The following YARS1 variants were observed in gnomAD, a reference collection of about 807,000 sequenced individuals.
YARS1 encodes the protein tyrosine--tRNA ligase, cytoplasmic.
A neutral mutation model predicts 62.2 loss-of-function variants in YARS1; 36 were observed. The observed-to-expected ratio is 0.58, with a 90% CI of 0.44 to 0.76. The LOEUF (loss-of-function observed/expected upper bound fraction) is 0.76. Ranked by LOEUF, YARS1 falls within the 30% of genes least tolerant of loss-of-function variation. YARS1 has a pLI of 0.00. For synonymous variants in YARS1, 234 were observed against 244.9 expected (o/e 0.96, Z 0.42); for missense variants, 524 against 639.8 (o/e 0.82, Z 1.95).
chr1:32,775,803 GGA>G lies in YARS1; in HGVS notation c.*176_*177del, dbSNP rs1652836666. On this transcript the variant is annotated 3_prime_UTR_variant, in exon 13 of 13. Transcript: ENST00000373477. ...GTTGGTCTCTCACTGCAGCCAGACA[GGA>G]TGATCCTGGGTTCTGGGGAGGGTAA... 3 of 645,210 alleles carry G rather than the reference GGA, an allele frequency of 4.6e-6. No homozygotes were observed. 40.0% of individuals were successfully genotyped at this position (645,210 alleles called of 1,614,324 possible).
chr1:32,803,176 T>C (rs561542417), intron 4 of YARS1, among the ~76,000 whole-genome samples: 1 of 151,538 alleles, frequency 6.6e-6, no homozygotes, highest in South Asian at 2.1e-4. Context: ...AGACGGGGTT[T>C]TACTATGATG....
Position 32,775,877 on chromosome 1 carries a change from T to C in YARS1, c.*104A>G, listed in dbSNP as rs1652839531. On this transcript the variant is annotated 3_prime_UTR_variant, in exon 13 of 13. Transcript: ENST00000373477. Reference sequence around the variant, plus strand: ...CACCGAATAAAGAGTCCAAACCCGCTGCTTCCGTGTCCTGAGAGATGGGTA... The same window carrying C: ...CACCGAATAAAGAGTCCAAACCCGCCGCTTCCGTGTCCTGAGAGATGGGTA... 1.5e-5 allele frequency: 16 copies of C among 1,099,906 alleles called. No homozygotes were observed. The South Asian group carries it at 2.1e-4, about 14-fold the overall frequency. The allele number at this position is 1,099,906 out of a possible 1,614,324, so 68.1% of individuals were successfully genotyped here.
Position 32,782,519 on chromosome 1 carries a change from C to T in YARS1, c.927G>A (p.Leu309=), listed in dbSNP as rs1653094196. 1 of 1,614,118 alleles carries T rather than the reference C, an allele frequency of 6.2e-7. No individual in the cohort carries two copies. The highest frequency in any genetic ancestry group is 2.2e-5 in the East Asian group (1 of 44,874). ...TCAGTGCGACTTCAACAGAATTCTT[C>T]AGGTCTCCAGGATGTACAACCTGCA... ...FAAEVVHPGD[L]KNSVEVALNK... The change falls in exon 9 of 13, where the codon CTG becomes CTA. Residue 309 remains leucine, a synonymous_variant. Transcript: ENST00000373477.
Position 32,810,785 on chromosome 1 carries a change from G to T in YARS1, c.205-19C>A, listed in dbSNP as rs768703124. ...TTGTTACCTGGACAAGAGATAAGGG[G>T]CCACCAAAATGTGAATTTGTCCAAT... On this transcript the variant is annotated intron_variant, in intron 2 of 12. Coordinates refer to ENST00000373477, the MANE Select transcript of YARS1 (RefSeq NM_003680.4). The T allele has an allele frequency of 2.5e-6, 4 of 1,613,994 alleles. No homozygotes were observed. In the Admixed American group the frequency reaches 5.0e-5, roughly 20 times the overall value.
intron 5 of YARS1, among the ~76,000 whole-genome samples, chr1:32,796,948 A>C (rs1244101518): frequency 1.7e-5 from 2 of 118,524 alleles, no homozygotes; most frequent in Non-Finnish European, 3.4e-5. Context: ...CTGGGTGACA[A>C]TAGCGAAACT....
In YARS1 at chr1:32,776,336, G is replaced by A. The variant is rs540377033; in HGVS notation, c.1477-245C>T. Among the ~76,000 whole-genome samples, 7 of 151,996 alleles carry A rather than the reference G, an allele frequency of 4.6e-5. No homozygotes were observed. The highest frequency in any genetic ancestry group is 1.0e-4 in the Non-Finnish European group (7 of 68,016). On this transcript the variant is annotated intron_variant, in intron 12 of 12. Transcript: ENST00000373477. The surrounding 1 kb of genome is among the most constrained non-coding windows in gnomAD (Gnocchi z 4.0). ...CTAATTTTGTACTTTTAGTAGACAC[G>A]GGGTTTCTCCATGTTGGTCAGGCTG...
chr1:32,792,734 G>C (rs1028437013), intron 5 of YARS1, among the ~76,000 whole-genome samples: 2 of 151,960 alleles, frequency 1.3e-5, no homozygotes, highest in African/African-American at 4.8e-5. Flanking sequence ...TAAAAAATTA[G>C]CTGGGCGTGG....
chr1:32,816,971 TGGACGCAAGA>T, intron 1 of YARS1: 1 of 626,572 alleles, frequency 1.6e-6, no homozygotes, highest in Non-Finnish European at 2.8e-6. Context: ...ACAAGACAAC[TGGACGCAAGA>T]GGTGAGCCCA....
At chr1:32,809,312 G>A (rs1454387389) in intron 3 of YARS1, among the ~76,000 whole-genome samples, 2 of 152,070 alleles carry the variant, frequency 1.3e-5, no homozygotes, top group East Asian at 1.9e-4. Flanking sequence ...GGTCTCAAAC[G>A]CCTGGCCTCA....
chr1:32,790,060 T>C (rs1348275106), intron 6 of YARS1, among the ~76,000 whole-genome samples: 1 of 146,438 alleles, frequency 6.8e-6, no homozygotes, highest in Non-Finnish European at 1.5e-5. Flanking sequence ...ATTTTTGTAC[T>C]TTTAGTAGAG....
At chr1:32,813,390 C>T (rs1244004688) in intron 1 of YARS1, among the ~76,000 whole-genome samples, 1 of 152,246 alleles carries the variant, frequency 6.6e-6, no homozygotes, top group African/African-American at 2.4e-5. Flanking sequence ...GTGATCTCCG[C>T]TTACTGCAAC....
chr1:32,782,232 A>G (rs1557447084), intron 9 of YARS1, 172 bp downstream of exon 9: 1 of 1,115,160 alleles, frequency 9.0e-7, no homozygotes, highest in African/African-American at 1.5e-5. Flanking sequence ...GATGTTAACC[A>G]AACCCAAATC....
intron 1 of YARS1, among the ~76,000 whole-genome samples, chr1:32,816,604 T>G (rs545138274): frequency 6.6e-6 from 1 of 152,314 alleles, no homozygotes; most frequent in African/African-American, 2.4e-5. Flanking sequence ...TTCTGTTTCC[T>G]CCATCTGAAA....
At chr1:32,806,891 CTG>C (rs1269549142) in intron 3 of YARS1, among the ~76,000 whole-genome samples, 1 of 152,174 alleles carries the variant, frequency 6.6e-6, no homozygotes, top group East Asian at 1.9e-4. Context: ...ACAAAATTGT[CTG>C]TACACCAAAC....
At chr1:32,802,342 C>G (rs533462275) in intron 4 of YARS1, among the ~76,000 whole-genome samples, 2 of 152,232 alleles carry the variant, frequency 1.3e-5, no homozygotes, top group African/African-American at 4.8e-5. Context: ...TCCACTTCTT[C>G]CAAACTTCTG....
chr1:32,813,463 C>T (rs771719495), intron 1 of YARS1, among the ~76,000 whole-genome samples: 7 of 151,952 alleles, frequency 4.6e-5, no homozygotes, highest in African/African-American at 7.3e-5. Flanking sequence ...AGATTACAGG[C>T]GTCCAACACC....
In YARS1 at chr1:32,810,572, T is replaced by C. The variant is rs961597385; in HGVS notation, c.380+19A>G. ...AGAAGCACCAGAGCCACAAGGAGGGTGGATGATCAAGCACTTACTTGCTGA... is the reference window on the plus strand; with the variant it reads ...AGAAGCACCAGAGCCACAAGGAGGGCGGATGATCAAGCACTTACTTGCTGA... On this transcript the variant is annotated intron_variant, in intron 3 of 12. Transcript: ENST00000373477. The C allele has an allele frequency of 2.1e-5, 34 of 1,612,094 alleles. No homozygotes were observed. The highest frequency in any genetic ancestry group is 2.7e-5 in the Non-Finnish European group (32 of 1,179,968).
At chr1:32,783,261 C>T (rs1436606284) in intron 8 of YARS1, 1 of 152,440 alleles carries the variant, frequency 6.6e-6, no homozygotes, top group Non-Finnish European at 1.5e-5. Flanking sequence ...GATGAGAACG[C>T]TGCTCGTACA....
intron 3 of YARS1, among the ~76,000 whole-genome samples, chr1:32,806,841 C>T (rs1638476587): frequency 6.6e-6 from 1 of 152,168 alleles, no homozygotes; most frequent in Admixed American, 6.5e-5. Context: ...GGTGAGGATT[C>T]AAAAACTACC....
Sources: allele counts gnomAD v4.1 joint callset (sites outside exome capture counted in the v4.1 genomes callset), GRCh38; gene constraint gnomAD v4.1.1; non-coding constraint Gnocchi (gnomAD v3.1); transcripts MANE v1.5; gene names NCBI Gene and HGNC (gene_info 2026-07-23, HGNC 2026-07-21).